Variants in CNTN5 observed in about 807,000 individuals in gnomAD.
The protein encoded by CNTN5 is contactin-5.
In CNTN5, 77 loss-of-function variants were observed where a neutral mutation model predicts 129.1. That is an observed-to-expected ratio of 0.60 (90% CI 0.50 to 0.72). The LOEUF is 0.72. Ranked by LOEUF, CNTN5 falls within the 30% of genes least tolerant of loss-of-function variation. The pLI, the probability that CNTN5 is intolerant of heterozygous loss-of-function variation, is 0.00. For missense variants in CNTN5, 1,478 were observed against 1,328.8 expected (o/e 1.11, Z -1.75); for synonymous variants, 509 against 465.6 (o/e 1.09, Z -1.20).
chr11:100,193,042 A>G (rs370694690), intron 14 of CNTN5, among the ~76,000 whole-genome samples: 9 of 151,928 alleles, frequency 5.9e-5, no homozygotes, highest in East Asian at 1.9e-4. Context: ...GGTGCTTTCT[A>G]TTGCCCTGTA....
In CNTN5 at chr11:99,964,838, G is replaced by T. The variant is rs545441125; in HGVS notation, c.877+7829G>T. Among the ~76,000 whole-genome samples, 1,002 of 152,108 alleles carry T rather than the reference G, an allele frequency of 6.6e-3. 13 individuals are homozygous for T. The highest frequency in any genetic ancestry group is 0.022 in the African/African-American group (933 of 41,478). ...TATTAATTATTGCCTCAATTTCAGA[G>T]CCTGTTATTGGTCTATTCAGAGATT... On this transcript the variant is annotated intron_variant, in intron 8 of 24. Transcript: ENST00000524871.
chr11:99,661,954 C>T (rs1952608870), intron 3 of CNTN5, among the ~76,000 whole-genome samples: 1 of 152,038 alleles, frequency 6.6e-6, no homozygotes, highest in Non-Finnish European at 1.5e-5. Flanking sequence ...TATAGACAGA[C>T]TATCATGAGA....
intron 3 of CNTN5, among the ~76,000 whole-genome samples, chr11:99,689,534 A>AAG (rs1555077191): frequency 8.8e-5 from 13 of 147,648 alleles, no homozygotes; most frequent in Admixed American, 4.0e-4. Flanking sequence ...AAAAAAGAAA[A>AAG]AAAAAAAAAA....
At chr11:99,634,014 G>C (rs1951458731) in intron 3 of CNTN5, among the ~76,000 whole-genome samples, 1 of 152,130 alleles carries the variant, frequency 6.6e-6, no homozygotes, top group South Asian at 2.1e-4. Context: ...CATACACTTT[G>C]TCTCATTCCA....
At chr11:99,771,973 GA>G (rs958644955) in intron 3 of CNTN5, among the ~76,000 whole-genome samples, 10 of 151,368 alleles carry the variant, frequency 6.6e-5, no homozygotes, top group South Asian at 2.1e-4. Context: ...AAAAAAACCT[GA>G]AAAAAATGTC....
At chr11:99,718,110 C>T (rs370205512) in intron 3 of CNTN5, among the ~76,000 whole-genome samples, 18 of 152,082 alleles carry the variant, frequency 1.2e-4, no homozygotes, top group South Asian at 2.1e-4. Flanking sequence ...CATGCCAATA[C>T]GCTCTAATTG....
intron 9 of CNTN5, among the ~76,000 whole-genome samples, chr11:100,026,294 T>C (rs771358737): frequency 3.3e-5 from 5 of 152,082 alleles, no homozygotes; most frequent in South Asian, 2.1e-4. Flanking sequence ...TCCACCAAGA[T>C]AGTAAGTTTC....
chr11:100,136,405 T>C (rs1025294141), intron 13 of CNTN5, among the ~76,000 whole-genome samples: 4 of 152,144 alleles, frequency 2.6e-5, no homozygotes, highest in Non-Finnish European at 5.9e-5. Flanking sequence ...GCCAGTTCTT[T>C]TGCTTTTCTT....
intron 2 of CNTN5, among the ~76,000 whole-genome samples, chr11:99,429,537 G>T (rs190825420): frequency 6.6e-6 from 1 of 152,264 alleles, no homozygotes; most frequent in African/African-American, 2.4e-5. Flanking sequence ...GAGAGAGTCT[G>T]AGTGTGTTAG....
intron 1 of CNTN5, among the ~76,000 whole-genome samples, chr11:99,310,692 C>G (rs1220099267): frequency 2.0e-5 from 3 of 152,130 alleles, no homozygotes; most frequent in African/African-American, 7.2e-5. Flanking sequence ...ACACTATAAA[C>G]ATGTAGCCAT....
chr11:100,059,874 T>A (rs993124979), intron 9 of CNTN5, among the ~76,000 whole-genome samples: 2 of 152,158 alleles, frequency 1.3e-5, no homozygotes, highest in East Asian at 1.9e-4. Flanking sequence ...ACGTGAAATA[T>A]GTGCAAGGTT....
At chr11:99,415,970 T>C (rs1174458933) in intron 2 of CNTN5, among the ~76,000 whole-genome samples, 3 of 152,194 alleles carry the variant, frequency 2.0e-5, no homozygotes, top group Non-Finnish European at 4.4e-5. Flanking sequence ...TAAGTTAAGT[T>C]ACACAAAACC....
intron 8 of CNTN5, among the ~76,000 whole-genome samples, chr11:99,967,444 A>G (rs1377573): frequency 0.34 from 51,319 of 151,992 alleles, 9,333 homozygotes; most frequent in East Asian, 0.66. Flanking sequence ...TTCCAATCCA[A>G]TATGAGGTAG....
At chr11:100,002,966 A>T (rs1159770) in intron 9 of CNTN5, among the ~76,000 whole-genome samples, 8,526 of 152,160 alleles carry the variant, frequency 0.056, 277 homozygotes, top group Non-Finnish European at 0.076. Flanking sequence ...AAACTCCCAC[A>T]ATATAACTAT....
At chr11:99,643,432 GTAT>G (rs2135850859) in intron 3 of CNTN5, among the ~76,000 whole-genome samples, 1 of 152,116 alleles carries the variant, frequency 6.6e-6, no homozygotes, top group South Asian at 2.1e-4. Flanking sequence ...TTCCAGCAAT[GTAT>G]TATTCTGGAA....
intron 20 of CNTN5, 75 bp downstream of exon 20, chr11:100,299,471 CATATT>C (rs1951172702): frequency 1.2e-6 from 1 of 857,722 alleles, no homozygotes; most frequent in Non-Finnish European, 1.7e-6. Context: ...CCTTTGTACA[CATATT>C]AGAAAATACA....
At chr11:99,567,890 G>A (rs1243786271) in intron 3 of CNTN5, among the ~76,000 whole-genome samples, 1 of 152,040 alleles carries the variant, frequency 6.6e-6, no homozygotes, top group Non-Finnish European at 1.5e-5. Flanking sequence ...TGAACTTAGT[G>A]AGCTTTGTTA....
chr11:99,649,868 A>G (rs866948403), intron 3 of CNTN5, among the ~76,000 whole-genome samples: 7 of 151,872 alleles, frequency 4.6e-5, no homozygotes, highest in African/African-American at 1.7e-4. Flanking sequence ...CTTGATTACA[A>G]AAATTGTTTG....
intron 21 of CNTN5, among the ~76,000 whole-genome samples, chr11:100,314,199 C>T (rs1951531586): frequency 6.6e-6 from 1 of 152,080 alleles, no homozygotes; most frequent in Admixed American, 6.5e-5. Context: ...GGTATTCATT[C>T]TTGTGTTGAG....
Sources: gnomAD v4.1 joint callset for allele counts (sites outside exome capture counted in the v4.1 genomes callset) on GRCh38, gnomAD v4.1.1 for gene constraint, MANE v1.5 for transcripts, NCBI Gene and HGNC (gene_info 2026-07-23, HGNC 2026-07-21) for gene names.